Variants in TMEM178B observed in about 807,000 individuals in gnomAD.
The protein encoded by TMEM178B is transmembrane protein 178B.
In TMEM178B, 5 loss-of-function variants were observed where a neutral mutation model predicts 31.0. That is an observed-to-expected ratio of 0.16 (90% confidence interval 0.08 to 0.34). The LOEUF (loss-of-function observed/expected upper bound fraction) is 0.34, where lower values mean the gene tolerates loss of function less well. Ranked by LOEUF, TMEM178B falls within the 10% of genes least tolerant of loss-of-function variation. The pLI, the probability that TMEM178B is intolerant of heterozygous loss-of-function variation, is 1.00. For missense variants in TMEM178B, 275 were observed against 400.3 expected (o/e 0.69, Z 2.67); for synonymous variants, 164 against 164.0 (o/e 1.00, Z 0.00).
At chr7:141,313,168 A>G (rs931710718) in intron 2 of TMEM178B, among the ~76,000 whole-genome samples, 1 of 152,194 alleles carries the variant, frequency 6.6e-6, no homozygotes. Context: ...AATCAGAAAA[A>G]AGTGAAACAG....
chr7:141,313,111 AT>A lies in TMEM178B; in HGVS notation c.496+100414del, dbSNP rs1798942137. The stretch of plus-strand genomic sequence containing the variant: ...CACAAAGGTTGGAAGGTGAGAAAGT[AT>A]TTTTTTAAAAACTCTATTTGGAGGG... On this transcript the variant is annotated intron_variant, in intron 2 of 3. Transcript: ENST00000565468. Among the ~76,000 whole-genome samples the A allele has an allele frequency of 2.6e-5, 4 of 152,142 alleles. No individual in the cohort carries two copies. In the South Asian group the frequency reaches 8.3e-4, roughly 32 times the overall value.
intron 2 of TMEM178B, among the ~76,000 whole-genome samples, chr7:141,220,629 A>G (rs139746963): frequency 6.6e-6 from 1 of 152,310 alleles, no homozygotes; most frequent in African/African-American, 2.4e-5. Flanking sequence ...CTGTGCTGGT[A>G]TAATTACAGT....
intron 2 of TMEM178B, among the ~76,000 whole-genome samples, chr7:141,315,534 T>C (rs1798987260): frequency 1.3e-5 from 2 of 152,232 alleles, no homozygotes; most frequent in Non-Finnish European, 2.9e-5. Flanking sequence ...TTAGGATCTA[T>C]TTTCTCATGA....
At chr7:141,305,568 C>T (rs374634491) in intron 2 of TMEM178B, among the ~76,000 whole-genome samples, 1 of 152,142 alleles carries the variant, frequency 6.6e-6, no homozygotes, top group Non-Finnish European at 1.5e-5. Flanking sequence ...GCTGGGATTA[C>T]AGGCGAGTGC....
At chr7:141,330,086 T>A (rs1799272048) in intron 2 of TMEM178B, among the ~76,000 whole-genome samples, 1 of 124,906 alleles carries the variant, frequency 8.0e-6, no homozygotes, top group Middle Eastern at 3.3e-3. Flanking sequence ...TTGAAGGGCT[T>A]TTTTTTTTGG....
At chr7:141,444,666 C>T (rs1200406462) in intron 3 of TMEM178B, among the ~76,000 whole-genome samples, 13 of 152,146 alleles carry the variant, frequency 8.5e-5, no homozygotes, top group Admixed American at 3.9e-4. Context: ...CACTTCCTTG[C>T]GTCACCAGGT....
intron 2 of TMEM178B, among the ~76,000 whole-genome samples, chr7:141,216,221 A>T (rs2109864): frequency 6.6e-6 from 1 of 151,786 alleles, no homozygotes; most frequent in Non-Finnish European, 1.5e-5. Context: ...AAAAGGCACA[A>T]TTTGGTTTAA....
intron 1 of TMEM178B, among the ~76,000 whole-genome samples, chr7:141,138,063 ATTTT>A (rs202146160): frequency 7.1e-6 from 1 of 141,368 alleles, no homozygotes. Context: ...TTAAAATTCA[ATTTT>A]TTTTTTTTTT....
intron 2 of TMEM178B, among the ~76,000 whole-genome samples, chr7:141,234,738 C>T (rs1001486901): frequency 2.6e-5 from 4 of 152,210 alleles, no homozygotes; most frequent in Admixed American, 6.5e-5. Flanking sequence ...GCCATCTGCA[C>T]TCTCGTCTAT....
intron 2 of TMEM178B, among the ~76,000 whole-genome samples, chr7:141,363,164 C>T (rs747356123): frequency 1.9e-4 from 29 of 152,128 alleles, no homozygotes; most frequent in Admixed American, 3.9e-4. Context: ...AAAGAGCGAG[C>T]GAGTGTTAAT....
chr7:141,476,959 A>T lies in TMEM178B; in HGVS notation c.*6173A>T, dbSNP rs1363402240. On this transcript the variant is annotated 3_prime_UTR_variant, in exon 4 of 4. Transcript: ENST00000565468. ...ACAGCAGTAGTTCGAAGAAGCTGGC[A>T]TCTCTTTGGCAAACACCAACCTCAG... The T allele has an allele frequency of 6.5e-6, 1 of 154,872 alleles. No individual in the cohort carries two copies. The highest frequency in any genetic ancestry group is 2.4e-5 in the African/African-American group (1 of 41,530). The allele number at this position is 154,872 out of a possible 1,614,324, so 9.6% of individuals were successfully genotyped here.
intron 2 of TMEM178B, among the ~76,000 whole-genome samples, chr7:141,389,464 C>T (rs1377924849): frequency 6.6e-6 from 1 of 152,290 alleles, no homozygotes; most frequent in East Asian, 1.9e-4. Context: ...TACATCTGTA[C>T]ACAACATAGT....
chr7:141,405,434 T>G (rs755959506), intron 2 of TMEM178B, among the ~76,000 whole-genome samples: 10 of 152,256 alleles, frequency 6.6e-5, no homozygotes, highest in Non-Finnish European at 1.0e-4. Context: ...TACCTTGACA[T>G]GGACCTTATT....
In TMEM178B at chr7:141,478,349, A is replaced by C. The variant is rs1802411391; in HGVS notation, c.*7563A>C. The C allele has an allele frequency of 6.6e-6, 1 of 152,274 alleles. No homozygotes were observed. Among genetic ancestry groups the C allele is most frequent in the Non-Finnish European group, 1.5e-5 (1 of 68,078 alleles). The allele number at this position is 152,274 out of a possible 1,614,324, so 9.4% of individuals were successfully genotyped here. ...CAGCTGTCTCCCTGCAGGACTGAGA[A>C]GACCAGCTGCCCCAGAGAGGGGAGG... On this transcript the variant is annotated 3_prime_UTR_variant, in exon 4 of 4. Coordinates refer to ENST00000565468, the MANE Select transcript of TMEM178B (RefSeq NM_001195278.2).
intron 1 of TMEM178B, among the ~76,000 whole-genome samples, chr7:141,117,108 T>G (rs1795331607): frequency 6.6e-6 from 1 of 152,230 alleles, no homozygotes; most frequent in South Asian, 2.1e-4. Flanking sequence ...CCACAATGGT[T>G]GAACTAATTT....
Position 141,475,509 on chromosome 7 carries a change from CG to C in TMEM178B, c.*4726del, listed in dbSNP as rs1166278732. The C allele has an allele frequency of 1.3e-5, 2 of 152,110 alleles. No individual in the cohort carries two copies. The highest frequency in any genetic ancestry group is 2.9e-5 in the Non-Finnish European group (2 of 68,026). The allele number at this position is 152,110 out of a possible 1,614,324, so 9.4% of individuals were successfully genotyped here. ...TCCAGTCACTCTGAGGCATCTACCG[CG>C]GGCCCAATCCAAATGGTCATGACCT... On this transcript the variant is annotated 3_prime_UTR_variant, in exon 4 of 4. Coordinates refer to ENST00000565468, the MANE Select transcript of TMEM178B (RefSeq NM_001195278.2).
intron 3 of TMEM178B, among the ~76,000 whole-genome samples, chr7:141,438,429 A>C (rs1801590857): frequency 6.6e-6 from 1 of 151,898 alleles, no homozygotes; most frequent in South Asian, 2.1e-4. Context: ...TAAGAGCTAA[A>C]CTGTGCTTTT....
chr7:141,429,505 A>G (rs907533153), intron 2 of TMEM178B, among the ~76,000 whole-genome samples: 2 of 152,228 alleles, frequency 1.3e-5, no homozygotes, highest in African/African-American at 4.8e-5. Flanking sequence ...ATAGAAGTAG[A>G]GAATAGAACA....
At chr7:141,370,083 C>T (rs1563164117) in intron 2 of TMEM178B, among the ~76,000 whole-genome samples, 2 of 151,852 alleles carry the variant, frequency 1.3e-5, no homozygotes, top group Non-Finnish European at 2.9e-5. Context: ...GTAGGAGGGT[C>T]CTGGCTCCAG....
Sources: allele counts gnomAD v4.1 joint callset (sites outside exome capture counted in the v4.1 genomes callset), GRCh38; gene constraint gnomAD v4.1.1; transcripts MANE v1.5; gene names NCBI Gene and HGNC (gene_info 2026-07-23, HGNC 2026-07-21).